CCDC152: variants seen among roughly 807,000 people sequenced by gnomAD.
CCDC152 encodes coiled-coil domain containing 152.
Under a neutral mutation model 38.1 loss-of-function variants are expected in CCDC152, and 37 were observed. The ratio of observed to expected loss-of-function variants is 0.97; its 90% confidence interval spans 0.75 to 1.28. CCDC152 has a LOEUF of 1.28. Ranked by LOEUF, CCDC152 falls within the 50% of genes most tolerant of loss-of-function variation. The pLI is 0.00. For missense variants in CCDC152, 259 were observed against 292.1 expected (o/e 0.89, Z 0.83); for synonymous variants, 83 against 87.1 (o/e 0.95, Z 0.26).
intron 4 of CCDC152, among the ~76,000 whole-genome samples, chr5:42,772,643 C>A: frequency 9.8e-6 from 1 of 101,722 alleles, no homozygotes; most frequent in Non-Finnish European, 2.0e-5. Flanking sequence ...GAACGAGACT[C>A]CGTCTCAAAA....
At chr5:42,791,605 T>A (rs1760000555) in intron 6 of CCDC152, among the ~76,000 whole-genome samples, 1 of 152,196 alleles carries the variant, frequency 6.6e-6, no homozygotes, top group Non-Finnish European at 1.5e-5. Flanking sequence ...ATGCCAACTT[T>A]CTACAGCCTC....
At chr5:42,790,365 G>A (rs1362242542) in intron 6 of CCDC152, among the ~76,000 whole-genome samples, 1 of 152,164 alleles carries the variant, frequency 6.6e-6, no homozygotes, top group African/African-American at 2.4e-5. Flanking sequence ...ACACCTTTTA[G>A]AACAGGTAAA....
At chr5:42,768,337 A>G (rs1333747467) in intron 3 of CCDC152, among the ~76,000 whole-genome samples, 3 of 152,040 alleles carry the variant, frequency 2.0e-5, no homozygotes, top group African/African-American at 4.8e-5. Flanking sequence ...ATTGCCTACT[A>G]TGGACCACAA....
intron 4 of CCDC152, among the ~76,000 whole-genome samples, chr5:42,775,534 G>GT (rs1561275233): frequency 1.3e-5 from 2 of 152,144 alleles, no homozygotes; most frequent in Non-Finnish European, 2.9e-5. Context: ...GAGGGTATTT[G>GT]TTGCAAGTAT....
At chr5:42,769,536 A>G in intron 3 of CCDC152, 61 bp from the exon 4 acceptor site, 1 of 1,394,252 alleles carries the variant, frequency 7.2e-7, no homozygotes, top group Non-Finnish European at 9.5e-7. Flanking sequence ...ATTTCAACTG[A>G]GAGAATAATT....
intron 6 of CCDC152, among the ~76,000 whole-genome samples, chr5:42,785,097 G>T (rs902581938): frequency 3.9e-5 from 6 of 152,004 alleles, no homozygotes; most frequent in Non-Finnish European, 1.5e-5. Context: ...CTCTGTTTTG[G>T]TTCCATATAA....
chr5:42,790,588 G>A (rs541767819), intron 6 of CCDC152, among the ~76,000 whole-genome samples: 2 of 152,254 alleles, frequency 1.3e-5, no homozygotes, highest in East Asian at 3.9e-4. Flanking sequence ...CATTTGTGAG[G>A]GTAAATGGGA....
chr5:42,780,517 C>G (rs1759831257), intron 5 of CCDC152, among the ~76,000 whole-genome samples: 1 of 151,786 alleles, frequency 6.6e-6, no homozygotes. Flanking sequence ...GGTGGGGAAC[C>G]AGGGGGAGAA....
intron 3 of CCDC152, among the ~76,000 whole-genome samples, chr5:42,764,489 G>A (rs1375617831): frequency 6.6e-6 from 1 of 151,970 alleles, no homozygotes; most frequent in East Asian, 1.9e-4. Flanking sequence ...AATAACTACA[G>A]GCTAATATCT....
At chr5:42,775,512 T>C (rs2111557850) in intron 4 of CCDC152, among the ~76,000 whole-genome samples, 1 of 152,232 alleles carries the variant, frequency 6.6e-6, no homozygotes, top group African/African-American at 2.4e-5. Context: ...AAGACTTTCT[T>C]AGACAAAAAT....
chr5:42,765,387 C>T (rs1203654117), intron 3 of CCDC152, among the ~76,000 whole-genome samples: 2 of 152,076 alleles, frequency 1.3e-5, no homozygotes, highest in Non-Finnish European at 2.9e-5. Context: ...ATACCAGTGA[C>T]ATTCTTCAAA....
Position 42,801,432 on chromosome 5 carries a change from A to G in CCDC152, c.*1651A>G, listed in dbSNP as rs1760200342. On this transcript the variant is annotated 3_prime_UTR_variant, in exon 9 of 9. Coordinates refer to ENST00000361970, the MANE Select transcript of CCDC152 (RefSeq NM_001134848.2). ...CTAACATGTGAAATTCCAACTAGTT[A>G]ATTAGAATCGAGCTGGCTTTGTATT... is the stretch of plus-strand genomic sequence containing the variant. 3 of 870,630 alleles carry G rather than the reference A, an allele frequency of 3.4e-6. No homozygotes were observed. The highest frequency in any genetic ancestry group is 5.3e-6 in the Non-Finnish European group (3 of 568,518). The allele number at this position is 870,630 out of a possible 1,614,324, so 53.9% of individuals were successfully genotyped here. A position where few individuals can be genotyped will look rare whatever the true frequency, so the allele number is the denominator to read the frequency against.
At chr5:42,797,388 C>T (rs1399726142) in intron 7 of CCDC152, among the ~76,000 whole-genome samples, 1 of 152,136 alleles carries the variant, frequency 6.6e-6, no homozygotes, top group Non-Finnish European at 1.5e-5. Context: ...CTGTATATGT[C>T]ATTTTCTTGT....
chr5:42,787,346 G>GT (rs1759935443), intron 6 of CCDC152, among the ~76,000 whole-genome samples: 1 of 151,632 alleles, frequency 6.6e-6, no homozygotes, highest in Non-Finnish European at 1.5e-5. Flanking sequence ...TTTTTGTTTT[G>GT]TTTTGCTTTT....
intron 4 of CCDC152, among the ~76,000 whole-genome samples, chr5:42,776,164 CA>C (rs1319009895): frequency 6.6e-6 from 1 of 151,938 alleles, no homozygotes; most frequent in Non-Finnish European, 1.5e-5. Flanking sequence ...CAGAGCGGAT[CA>C]AAAAACATTA....
intron 7 of CCDC152, among the ~76,000 whole-genome samples, chr5:42,798,475 A>G (rs537791955): frequency 4.5e-4 from 68 of 152,330 alleles, no homozygotes; most frequent in Admixed American, 4.4e-3. Context: ...TGCTGCTGCC[A>G]TCTGACCAAG....
chr5:42,796,007 A>G (rs230810), intron 6 of CCDC152, among the ~76,000 whole-genome samples: 84,580 of 148,824 alleles, frequency 0.57, 24,302 homozygotes, highest in African/African-American at 0.61. Flanking sequence ...ACCAAACACC[A>G]CATGTTCTCA....
chr5:42,762,640 G>A, intron 3 of CCDC152, 92 bp downstream of exon 3: 1 of 726,236 alleles, frequency 1.4e-6, no homozygotes, highest in Non-Finnish European at 2.4e-6. Context: ...TTTGTAAAGT[G>A]TTTTAAGTCC....
chr5:42,763,184 C>G (rs994188365), intron 3 of CCDC152, among the ~76,000 whole-genome samples: 3 of 152,112 alleles, frequency 2.0e-5, no homozygotes, highest in Non-Finnish European at 2.9e-5. Flanking sequence ...AACAAACAAA[C>G]AAAAAGCACC....
Sources: allele counts gnomAD v4.1 joint callset (sites outside exome capture counted in the v4.1 genomes callset), GRCh38; gene constraint gnomAD v4.1.1; transcripts MANE v1.5; gene names NCBI Gene and HGNC (gene_info 2026-07-23, HGNC 2026-07-21).